Variants in NELL2 observed in about 807,000 individuals in gnomAD.
NELL2 encodes neural EGFL like 2.
Under a neutral mutation model 109.6 loss-of-function variants are expected in NELL2, and 41 were observed. The ratio of observed to expected loss-of-function variants is 0.37; its 90% CI spans 0.29 to 0.49. The LOEUF (loss-of-function observed/expected upper bound fraction) is 0.49. Ranked by LOEUF, NELL2 falls within the 20% of genes least tolerant of loss-of-function variation. The pLI is 0.98. For synonymous variants in NELL2, 355 were observed against 344.7 expected (o/e 1.03, Z -0.33); for missense variants, 900 against 1,008.3 (o/e 0.89, Z 1.45).
intron 1 of NELL2, 31 bp downstream of exon 1, chr12:44,875,783 CT>C: frequency 6.2e-7 from 1 of 1,612,864 alleles, no homozygotes; most frequent in East Asian, 2.2e-5. Context: ...GGAGCCATCC[CT>C]TTCCCCAGCC....
At chr12:44,674,734 G>T (rs1948251158) in intron 12 of NELL2, among the ~76,000 whole-genome samples, 1 of 152,046 alleles carries the variant, frequency 6.6e-6, no homozygotes, top group African/African-American at 2.4e-5. Context: ...CATAACTGAG[G>T]AATTGGTAAG....
intron 11 of NELL2, among the ~76,000 whole-genome samples, chr12:44,704,449 A>T (rs1324921047): frequency 1.3e-5 from 2 of 152,182 alleles, no homozygotes; most frequent in African/African-American, 4.8e-5. Context: ...AATTATAGAG[A>T]TTTCACAGAT....
At chr12:44,783,703 TA>T (rs530993020) in intron 3 of NELL2, among the ~76,000 whole-genome samples, 158 of 152,078 alleles carry the variant, frequency 1.0e-3, no homozygotes, top group African/African-American at 3.7e-3. Context: ...TCCAAAAAAT[TA>T]AATCTCCAGG....
intron 9 of NELL2, among the ~76,000 whole-genome samples, chr12:44,716,758 C>A (rs1217729280): frequency 6.6e-6 from 1 of 152,028 alleles, no homozygotes; most frequent in African/African-American, 2.4e-5. Context: ...GCAGCCTATT[C>A]AAGTCCAAGC....
At chr12:44,764,305 T>C (rs1318243113) in intron 9 of NELL2, among the ~76,000 whole-genome samples, 1 of 152,200 alleles carries the variant, frequency 6.6e-6, no homozygotes, top group East Asian at 1.9e-4. Flanking sequence ...TTTCTCTTCC[T>C]GAACTATCAG....
chr12:44,668,132 C>T (rs1178597662), intron 12 of NELL2, among the ~76,000 whole-genome samples: 3 of 152,132 alleles, frequency 2.0e-5, no homozygotes, highest in Admixed American at 6.5e-5. Context: ...GGCTATGCTG[C>T]CATAATACCA....
intron 3 of NELL2, among the ~76,000 whole-genome samples, chr12:44,805,375 A>G (rs1793651071): frequency 6.6e-6 from 1 of 151,964 alleles, no homozygotes; most frequent in African/African-American, 2.4e-5. Flanking sequence ...ATATTGTAGT[A>G]TCTCTGCAGA....
At chr12:44,755,512 C>A (rs915929672) in intron 9 of NELL2, among the ~76,000 whole-genome samples, 1 of 151,528 alleles carries the variant, frequency 6.6e-6, no homozygotes, top group South Asian at 2.1e-4. Context: ...CTATCCTGCA[C>A]CCTGGCCTTT....
chr12:44,634,455 G>C (rs1946564947), intron 13 of NELL2, among the ~76,000 whole-genome samples: 1 of 152,052 alleles, frequency 6.6e-6, no homozygotes, highest in Non-Finnish European at 1.5e-5. Context: ...AGTTTGCTGA[G>C]AATGATGGTT....
intron 9 of NELL2, among the ~76,000 whole-genome samples, chr12:44,732,937 A>G (rs1050404880): frequency 6.6e-6 from 1 of 152,084 alleles, no homozygotes; most frequent in African/African-American, 2.4e-5. Flanking sequence ...GCCAATAGGT[A>G]TATGAATAGA....
chr12:44,545,601 A>G (rs1033768846), intron 15 of NELL2, among the ~76,000 whole-genome samples: 1 of 152,122 alleles, frequency 6.6e-6, no homozygotes, highest in African/African-American at 2.4e-5. Flanking sequence ...AGCTCAGTTC[A>G]GTAAAAGTTC....
intron 2 of NELL2, among the ~76,000 whole-genome samples, chr12:44,851,491 G>T (rs1403210158): frequency 6.6e-6 from 1 of 152,090 alleles, no homozygotes; most frequent in African/African-American, 2.4e-5. Context: ...AAAATAGAAT[G>T]ATATAAATGA....
chr12:44,788,642 C>T (rs1942269052), intron 3 of NELL2, among the ~76,000 whole-genome samples: 1 of 152,164 alleles, frequency 6.6e-6, no homozygotes, highest in African/African-American at 2.4e-5. Flanking sequence ...ACAATTTAAG[C>T]TGGGCGAGAA....
At chr12:44,772,810 C>G (rs1012272125) in intron 9 of NELL2, among the ~76,000 whole-genome samples, 2 of 151,410 alleles carry the variant, frequency 1.3e-5, no homozygotes, top group Non-Finnish European at 2.9e-5. Flanking sequence ...ATGTTGTGGT[C>G]TGCTCACTGA....
At chr12:44,864,132 C>T (rs1944920338) in intron 2 of NELL2, among the ~76,000 whole-genome samples, 1 of 152,032 alleles carries the variant, frequency 6.6e-6, no homozygotes, top group Non-Finnish European at 1.5e-5. Flanking sequence ...CAAAGGAAGA[C>T]AACAAGAGAG....
chr12:44,646,413 T>C (rs1259122707), intron 13 of NELL2, among the ~76,000 whole-genome samples: 1 of 152,240 alleles, frequency 6.6e-6, no homozygotes, highest in East Asian at 1.9e-4. Flanking sequence ...CTGCAGTGAA[T>C]GCCTGAAACC....
intron 13 of NELL2, among the ~76,000 whole-genome samples, chr12:44,649,177 T>C (rs1283228313): frequency 1.3e-5 from 2 of 151,838 alleles, no homozygotes; most frequent in Non-Finnish European, 2.9e-5. Flanking sequence ...TGTAGATCCT[T>C]CCTTATTTTT....
chr12:44,736,347 T>TA (rs1592426979), intron 9 of NELL2, among the ~76,000 whole-genome samples: 1 of 152,116 alleles, frequency 6.6e-6, no homozygotes, highest in African/African-American at 2.4e-5. Context: ...GTAACTCTGT[T>TA]AAAGAGTTGC....
chr12:44,583,602 G>GA lies in NELL2; in HGVS notation c.1663+23566dup, dbSNP rs573637052. ...TTATTAATAAAAAACAAAGATTTATGACATTATATTTCTTTATGAAATTTT... is the reference window on the plus strand; with the variant it reads ...TTATTAATAAAAAACAAAGATTTATGAACATTATATTTCTTTATGAAATTTT... On this transcript the variant is annotated intron_variant, in intron 15 of 19. Coordinates refer to ENST00000429094, the MANE Select transcript of NELL2 (RefSeq NM_001145108.2). Among the ~76,000 whole-genome samples, 7 of 152,218 alleles carry GA rather than the reference G, an allele frequency of 4.6e-5. No homozygotes were observed. The South Asian group carries it at 1.5e-3, about 32-fold the overall frequency.
Sources: allele counts gnomAD v4.1 joint callset (sites outside exome capture counted in the v4.1 genomes callset), GRCh38; gene constraint gnomAD v4.1.1; transcripts MANE v1.5; gene names NCBI Gene and HGNC (gene_info 2026-07-23, HGNC 2026-07-21).